The following CBFA2T2 variants were observed in gnomAD, a reference collection of about 807,000 sequenced individuals.
The protein encoded by CBFA2T2 is CBFA2/RUNX1 partner transcriptional co-repressor 2.
In CBFA2T2, 11 loss-of-function variants were observed where a neutral mutation model predicts 62.2. The ratio of observed to expected loss-of-function variants is 0.18; its 90% CI spans 0.11 to 0.29. The LOEUF is 0.29. Ranked by LOEUF, CBFA2T2 falls within the 10% of genes least tolerant of loss-of-function variation. The probability of loss-of-function intolerance (pLI) is 1.00; values close to 1 mark genes in which losing one functional copy is unlikely to be tolerated. For synonymous variants in CBFA2T2, 295 were observed against 287.5 expected (o/e 1.03, Z -0.27); for missense variants, 592 against 774.1 (o/e 0.76, Z 2.79).
chr20:33,636,823 C>T (rs2016650890), intron 9 of CBFA2T2, 115 bp downstream of exon 9: 2 of 714,412 alleles, frequency 2.8e-6, no homozygotes, highest in Non-Finnish European at 4.9e-6. Context: ...TAACTTGCTC[C>T]TCATAGAGCT....
chr20:33,541,627 T>C (rs2012411592), intron 1 of CBFA2T2, among the ~76,000 whole-genome samples: 1 of 152,178 alleles, frequency 6.6e-6, no homozygotes, highest in African/African-American at 2.4e-5. Context: ...GTTATGTTCC[T>C]GGTTTGTTTG....
Position 33,623,217 on chromosome 20 carries a change from A to C in CBFA2T2, c.613A>C (p.Thr205Pro). Residue 205 changes from threonine to proline, a missense_variant, in exon 5 of 11, where the codon ACA (threonine) becomes CCA (proline). By Grantham distance (38) the Thr-to-Pro change is conservative (BLOSUM62 -1). Transcript: ENST00000342704. ...LAQHEHLLLNTSIASPADSSE... is the reference protein window; with the variant it reads ...LAQHEHLLLNPSIASPADSSE... ...TCAGCACGAACACCTTCTGCTCAACACAAGCATTGCATCGCCTGCTGACTC... is the reference window on the plus strand; with the variant it reads ...TCAGCACGAACACCTTCTGCTCAACCCAAGCATTGCATCGCCTGCTGACTC... The C allele has an allele frequency of 6.2e-7, 1 of 1,614,228 alleles. No individual in the cohort carries two copies. Among genetic ancestry groups the C allele is most frequent in the East Asian group, 2.2e-5 (1 of 44,884 alleles).
intron 1 of CBFA2T2, among the ~76,000 whole-genome samples, chr20:33,536,438 A>ACCTC (rs1444512786): frequency 1.5e-5 from 2 of 134,152 alleles, no homozygotes; most frequent in African/African-American, 6.0e-5. Flanking sequence ...TGACCCCCCC[A>ACCTC]CCTCCCTCCC....
At chr20:33,641,063 C>G (rs1024393554) in intron 10 of CBFA2T2, among the ~76,000 whole-genome samples, 6 of 151,358 alleles carry the variant, frequency 4.0e-5, no homozygotes, top group African/African-American at 1.5e-4. Context: ...GACGGAGTCT[C>G]TCTCTGTCCC....
Position 33,547,242 on chromosome 20 carries a change from T to TG in CBFA2T2, c.34+56944dup, listed in dbSNP as rs756002025. Among the ~76,000 whole-genome samples, 7 of 152,046 alleles carry TG rather than the reference T, an allele frequency of 4.6e-5. No individual in the cohort carries two copies. In the South Asian group the frequency reaches 8.3e-4, roughly 18 times the overall value. On this transcript the variant is annotated intron_variant, in intron 1 of 10. Coordinates refer to ENST00000342704, the MANE Select transcript of CBFA2T2 (RefSeq NM_001032999.3). ...AAAGACCGGAAATAAAAAGTCTGCT[T>TG]GGGACCAAGCATGGAAGATTATGCC...
At chr20:33,499,393 G>T (rs1273622704) in intron 1 of CBFA2T2, among the ~76,000 whole-genome samples, 1 of 152,194 alleles carries the variant, frequency 6.6e-6, no homozygotes, top group Non-Finnish European at 1.5e-5. Context: ...TCTGGTTATT[G>T]TTTAGGCTTT....
At chr20:33,510,074 G>C (rs572040493) in intron 1 of CBFA2T2, among the ~76,000 whole-genome samples, 2 of 152,128 alleles carry the variant, frequency 1.3e-5, no homozygotes, top group South Asian at 2.1e-4. Flanking sequence ...TGCGGTGTTT[G>C]GTTTTCTGTC....
intron 1 of CBFA2T2, among the ~76,000 whole-genome samples, chr20:33,509,467 A>T (rs900566463): frequency 7.9e-5 from 12 of 152,290 alleles, no homozygotes; most frequent in South Asian, 2.1e-4. Flanking sequence ...CTAAATAATG[A>T]TGTTTTTAAA....
intron 1 of CBFA2T2, among the ~76,000 whole-genome samples, chr20:33,519,367 G>A (rs1287232003): frequency 1.3e-5 from 2 of 152,170 alleles, no homozygotes; most frequent in Admixed American, 6.6e-5. Context: ...CTATTCAGGA[G>A]GCTGAGGCGG....
chr20:33,592,148 A>G (rs1291923385), intron 1 of CBFA2T2, among the ~76,000 whole-genome samples: 2 of 151,936 alleles, frequency 1.3e-5, no homozygotes, highest in African/African-American at 4.8e-5. Context: ...GGATCACGTG[A>G]TATCAGGAGT....
chr20:33,543,519 G>C (rs955831092), intron 1 of CBFA2T2, among the ~76,000 whole-genome samples: 16 of 152,182 alleles, frequency 1.1e-4, no homozygotes, highest in Non-Finnish European at 2.1e-4. Context: ...AGAAGTGGGG[G>C]AGATGAACAC....
rs2017192920 is a variant in CBFA2T2 at position 33,649,947 on chromosome 20, A to C, written c.*5301A>C. ...CCTAACTCTGTGCATAACTTATTTA[A>C]TGTACTGTATAAATGAACCAAAACT... On this transcript the variant is annotated 3_prime_UTR_variant, in exon 11 of 11. Transcript: ENST00000342704. 9 of 152,642 alleles carry C rather than the reference A, an allele frequency of 5.9e-5. No individual in the cohort carries two copies. The highest frequency in any genetic ancestry group is 5.9e-4 in the Admixed American group (9 of 15,286). 9.5% of individuals were successfully genotyped at this position (152,642 alleles called of 1,614,324 possible).
chr20:33,621,633 T>C (rs2015991707), intron 4 of CBFA2T2, among the ~76,000 whole-genome samples: 1 of 152,170 alleles, frequency 6.6e-6, no homozygotes, highest in Non-Finnish European at 1.5e-5. Flanking sequence ...GCCTAAAATA[T>C]TTACTGTCTG....
At chr20:33,536,442 C>G (rs2012238859) in intron 1 of CBFA2T2, among the ~76,000 whole-genome samples, 1 of 147,850 alleles carries the variant, frequency 6.8e-6, no homozygotes, top group Non-Finnish European at 1.5e-5. Flanking sequence ...CCCCCCACCT[C>G]CCTCCCGGAC....
intron 1 of CBFA2T2, among the ~76,000 whole-genome samples, chr20:33,560,885 T>A (rs1358127261): frequency 1.3e-5 from 2 of 152,178 alleles, no homozygotes; most frequent in Non-Finnish European, 2.9e-5. Context: ...CTTTTGCTTT[T>A]GCTTTTTTTT....
At chr20:33,594,522 C>T (rs991936886) in intron 1 of CBFA2T2, among the ~76,000 whole-genome samples, 1 of 152,002 alleles carries the variant, frequency 6.6e-6, no homozygotes, top group Admixed American at 6.6e-5. Flanking sequence ...GCCCGGCCTA[C>T]TGCTAGATTT....
At chr20:33,560,174 T>C (rs1216625194) in intron 1 of CBFA2T2, among the ~76,000 whole-genome samples, 1 of 152,202 alleles carries the variant, frequency 6.6e-6, no homozygotes, top group Non-Finnish European at 1.5e-5. Flanking sequence ...TTGTAGGCAA[T>C]TTGATACCGG....
chr20:33,543,638 C>T (rs940157714), intron 1 of CBFA2T2, among the ~76,000 whole-genome samples: 15 of 152,002 alleles, frequency 9.9e-5, no homozygotes, highest in Non-Finnish European at 1.8e-4. Context: ...GAAGAACATA[C>T]AAAGATTCAT....
chr20:33,535,616 ATT>A lies in CBFA2T2; in HGVS notation c.34+45320_34+45321del, dbSNP rs1255708904. 8.1e-3 allele frequency among the ~76,000 whole-genome samples: 913 copies of A among 113,224 alleles called. 5 individuals carry two copies. The highest frequency in any genetic ancestry group is 0.032 in the African/African-American group (865 of 27,452). The allele number at this position is 113,224 out of a possible 152,430, so 74.3% of individuals were successfully genotyped here. ...GATTGAGTTTTATTTTTATTTTTTT[ATT>A]TTTTCTTTTTTTTTTTGACCTTTTA... is the stretch of plus-strand genomic sequence containing the variant. On this transcript the variant is annotated intron_variant, in intron 1 of 10. Transcript: ENST00000342704.
Sources: allele counts gnomAD v4.1 joint callset (sites outside exome capture counted in the v4.1 genomes callset), GRCh38; gene constraint gnomAD v4.1.1; transcripts MANE v1.5; gene names NCBI Gene and HGNC (gene_info 2026-07-23, HGNC 2026-07-21).